XRN2: variants seen among roughly 807,000 people sequenced by gnomAD.
XRN2 encodes DHM1-like protein.
Under a neutral mutation model 138.5 loss-of-function variants are expected in XRN2, and 44 were observed. The observed-to-expected ratio is 0.32, with a 90% CI of 0.25 to 0.41. XRN2 has a LOEUF of 0.41. XRN2 is among the 10% of genes least tolerant of loss of function. The pLI is 1.00. For synonymous variants in XRN2, 354 were observed against 369.4 expected (o/e 0.96, Z 0.48); for missense variants, 937 against 1,169.3 (o/e 0.80, Z 2.90).
At chr20:21,375,010 CTTTTTTTT>C (rs34212552) in intron 27 of XRN2, among the ~76,000 whole-genome samples, 71 of 44,692 alleles carry the variant, frequency 1.6e-3, no homozygotes, top group African/African-American at 5.5e-3. Flanking sequence ...TTGGTAAGTT[CTTTTTTTT>C]TTTTTTTTTT....
At chr20:21,354,920 T>TA in intron 21 of XRN2, 48 bp downstream of exon 21, 2 of 1,448,404 alleles carry the variant, frequency 1.4e-6, no homozygotes, top group Non-Finnish European at 9.5e-7. Flanking sequence ...AATATACACT[T>TA]TATATTTCTG....
chr20:21,310,597 A>G (rs1600668376), intron 1 of XRN2, among the ~76,000 whole-genome samples: 2 of 152,136 alleles, frequency 1.3e-5, no homozygotes, highest in Non-Finnish European at 2.9e-5. Context: ...TTTATTTGTC[A>G]TTAATACAGC....
At chr20:21,340,951 T>G (rs2038364633) in intron 15 of XRN2, 99 bp downstream of exon 15, 3 of 1,398,966 alleles carry the variant, frequency 2.1e-6, no homozygotes, top group Non-Finnish European at 2.9e-6. Flanking sequence ...CCTGGAGTTT[T>G]GTTTTATAGT....
intron 1 of XRN2, among the ~76,000 whole-genome samples, chr20:21,305,747 CTTT>C (rs367955344): frequency 1.0e-4 from 4 of 39,136 alleles, no homozygotes; most frequent in Non-Finnish European, 1.2e-4. Flanking sequence ...ATTCTTAATT[CTTT>C]TTTTTTTTTT....
intron 1 of XRN2, among the ~76,000 whole-genome samples, chr20:21,313,094 G>A (rs556397634): frequency 5.9e-5 from 9 of 152,354 alleles, no homozygotes; most frequent in South Asian, 2.1e-4. Context: ...CGACTGCTGC[G>A]ATTGGCGGAG....
At chr20:21,376,882 A>G (rs2038828712) in intron 27 of XRN2, among the ~76,000 whole-genome samples, 2 of 152,218 alleles carry the variant, frequency 1.3e-5, no homozygotes, top group South Asian at 4.1e-4. Flanking sequence ...TGTGCTAGGT[A>G]GTCATAGGAG....
rs535505619 is a variant in XRN2, at chr20:21,307,148, T to C, written c.75+3675T>C. Among the ~76,000 whole-genome samples, 241 of 77,310 alleles carry C rather than the reference T, an allele frequency of 3.1e-3. 79 individuals carry two copies. The highest frequency in any genetic ancestry group is 8.3e-3 in the African/African-American group (234 of 28,340). 50.7% of individuals were successfully genotyped at this position (77,310 alleles called of 152,430 possible). A position where few individuals can be genotyped will look rare whatever the true frequency, so the allele number is the denominator to read the frequency against. Reference sequence around the variant, plus strand: ...AACCAGAAGGACTTAATTTTTATGCTCATATGCTTTCATTCTTTTGTGATC... The same window carrying C: ...AACCAGAAGGACTTAATTTTTATGCCCATATGCTTTCATTCTTTTGTGATC... On this transcript the variant is annotated intron_variant, in intron 1 of 29. Coordinates refer to ENST00000377191, the MANE Select transcript of XRN2 (RefSeq NM_012255.5).
intron 15 of XRN2, among the ~76,000 whole-genome samples, chr20:21,343,004 G>C (rs2038391288): frequency 6.6e-6 from 1 of 151,898 alleles, no homozygotes; most frequent in Non-Finnish European, 1.5e-5. Flanking sequence ...AAAGAGATGT[G>C]CTCTAAGTTC....
chr20:21,319,806 C>T (rs2038012535), intron 1 of XRN2, among the ~76,000 whole-genome samples: 1 of 152,100 alleles, frequency 6.6e-6, no homozygotes, highest in South Asian at 2.1e-4. Flanking sequence ...GTAGCCATTT[C>T]CTTAGCCCAC....
chr20:21,389,172 C>T (rs950095842), intron 29 of XRN2, 101 bp from the exon 30 acceptor site: 28 of 1,040,332 alleles, frequency 2.7e-5, no homozygotes, highest in Middle Eastern at 2.1e-4. Flanking sequence ...TTAACACATA[C>T]TCAGTTTCCT....
rs1196657781 is a variant in XRN2, at chr20:21,334,126, A to G, written c.1174A>G (p.Ile392Val). The G allele has an allele frequency of 6.2e-7, 1 of 1,614,022 alleles. No homozygotes were observed. Among genetic ancestry groups the G allele is most frequent in the South Asian group, 1.1e-5 (1 of 91,048 alleles). Reference protein sequence around the residue: ...GYVNLQRVQMIMLAVGEVEDS... With the variant: ...GYVNLQRVQMVMLAVGEVEDS... ...TGTCAATCTGCAAAGAGTACAGATG[A>G]TCATGTTAGCAGTTGGTGAAGTTGA... Residue 392 changes from isoleucine to valine, a missense_variant, in exon 13 of 30, where the codon ATC (isoleucine) becomes GTC (valine). Physicochemically the swap from Ile to Val is conservative, Grantham distance 29. Around this residue, in one of 6 missense-constraint regions of XRN2, gnomAD observed 471 missense variants for 581.2 expected, o/e 0.81. Coordinates refer to ENST00000377191, the MANE Select transcript of XRN2 (RefSeq NM_012255.5).
At chr20:21,370,050 T>G (rs936901700) in intron 27 of XRN2, among the ~76,000 whole-genome samples, 7 of 152,110 alleles carry the variant, frequency 4.6e-5, no homozygotes, top group African/African-American at 1.7e-4. Context: ...AGAGATAAAT[T>G]TATGGTTTTA....
chr20:21,385,920 T>C (rs2038932640), intron 28 of XRN2, among the ~76,000 whole-genome samples: 1 of 152,256 alleles, frequency 6.6e-6, no homozygotes, highest in Admixed American at 6.5e-5. Context: ...CTTCTGATGT[T>C]CAAGTATACT....
At position 21,357,790 on chromosome 20, in the gene XRN2, C is replaced by T; in HGVS notation, c.2253C>T (p.Val751=). Residue 751 remains valine (V), a splice_region_variant and synonymous_variant, in exon 24 of 30, where the codon GTC becomes GTT. Coordinates refer to ENST00000377191, the MANE Select transcript of XRN2 (RefSeq NM_012255.5). ...MLRDLTQNTV[V]SINFKDPQFA... ...GGGATCTGACACAGAACACTGTAGT[C>T]AGGTAAGTTTTCCAAAATTCATGGC... 1 of 1,598,468 alleles carries T rather than the reference C, an allele frequency of 6.3e-7. No individual in the cohort carries two copies. Among genetic ancestry groups the T allele is most frequent in the East Asian group, 2.3e-5 (1 of 44,282 alleles).
chr20:21,308,565 C>T (rs942533247), intron 1 of XRN2, among the ~76,000 whole-genome samples: 1 of 152,090 alleles, frequency 6.6e-6, no homozygotes, highest in Non-Finnish European at 1.5e-5. Context: ...TGTACTGTTA[C>T]CTTATTGTGG....
intron 13 of XRN2, among the ~76,000 whole-genome samples, chr20:21,336,562 T>A (rs559314188): frequency 6.6e-6 from 1 of 152,348 alleles, no homozygotes; most frequent in African/African-American, 2.4e-5. Context: ...CTTGGGAATG[T>A]TGTTCATTTA....
chr20:21,377,335 A>G (rs1432624571), intron 27 of XRN2, among the ~76,000 whole-genome samples: 1 of 136,768 alleles, frequency 7.3e-6, no homozygotes, highest in African/African-American at 2.9e-5. Context: ...TCAGCTCGCT[A>G]TACCTCTGCC....
At chr20:21,303,572 C>A (rs2037769072) in intron 1 of XRN2, 99 bp downstream of exon 1, 3 of 1,401,616 alleles carry the variant, frequency 2.1e-6, no homozygotes, top group Non-Finnish European at 2.8e-6. Context: ...GGGAGCCTTG[C>A]CGGAGCTCGC....
At chr20:21,370,517 G>A (rs940730567) in intron 27 of XRN2, among the ~76,000 whole-genome samples, 6 of 152,148 alleles carry the variant, frequency 3.9e-5, no homozygotes, top group Admixed American at 3.3e-4. Context: ...GATATGGATC[G>A]TCATCACTTA....
Sources: gnomAD v4.1 joint callset for allele counts (sites outside exome capture counted in the v4.1 genomes callset) on GRCh38, gnomAD v4.1.1 for gene constraint, gnomAD v4.1.1 regional missense constraint, MANE v1.5 for transcripts, NCBI Gene and HGNC (gene_info 2026-07-23, HGNC 2026-07-21) for gene names.